The following FOXP1 variants were observed in gnomAD, a reference collection of about 807,000 sequenced individuals.
FOXP1 encodes forkhead box protein P1.
FOXP1 carries 15 observed loss-of-function variants against 98.2 expected under a neutral mutation model. The observed-to-expected ratio is 0.15, with a 90% CI of 0.10 to 0.24. FOXP1 has a LOEUF of 0.24. Among genes scored for constraint, FOXP1 ranks in the 10% least tolerant of loss-of-function variants. The pLI is 1.00. For missense variants in FOXP1, 633 were observed against 848.5 expected (o/e 0.75, Z 3.15); for synonymous variants, 371 against 314.5 (o/e 1.18, Z -1.90).
Position 71,193,483 on chromosome 3 carries a change from T to C in FOXP1, c.180+4719A>G, listed in dbSNP as rs113123245. On this transcript the variant is annotated intron_variant, in intron 6 of 20. Transcript: ENST00000649528. ...TTTTTTTTTTAGACATATTCTCACTTTGTCGCCCAGGCTGGAGTGCAGTGG... is the reference window on the plus strand; with the variant it reads ...TTTTTTTTTTAGACATATTCTCACTCTGTCGCCCAGGCTGGAGTGCAGTGG... Among the ~76,000 whole-genome samples the C allele has an allele frequency of 7.4e-5, 5 of 67,394 alleles. 1 individual carries two copies. Among genetic ancestry groups the C allele is most frequent in the Admixed American group, 4.6e-4 (3 of 6,566 alleles). The allele number at this position is 67,394 out of a possible 152,430, so 44.2% of individuals were successfully genotyped here. A position where few individuals can be genotyped will look rare whatever the true frequency, so the allele number is the denominator to read the frequency against.
intron 5 of FOXP1, among the ~76,000 whole-genome samples, chr3:71,267,124 AGTGTGT>A (rs1553808466): frequency 1.3e-4 from 19 of 148,410 alleles, no homozygotes; most frequent in East Asian, 9.9e-4. Flanking sequence ...TATGGGAGAG[AGTGTGT>A]GTGTGTGTGT....
intron 3 of FOXP1, among the ~76,000 whole-genome samples, chr3:71,423,763 C>T (rs780690106): frequency 6.6e-6 from 1 of 152,194 alleles, no homozygotes; most frequent in Non-Finnish European, 1.5e-5. Context: ...GCAACCCTGG[C>T]AGGGAAGTGC....
At chr3:71,164,490 C>A (rs776332078) in intron 6 of FOXP1, among the ~76,000 whole-genome samples, 31 of 152,188 alleles carry the variant, frequency 2.0e-4, no homozygotes, top group Admixed American at 3.3e-4. Flanking sequence ...TGAGGCACAG[C>A]GCCCGGTCCC....
At chr3:71,137,862 A>C (rs1575967714) in intron 6 of FOXP1, among the ~76,000 whole-genome samples, 1 of 151,914 alleles carries the variant, frequency 6.6e-6, no homozygotes, top group Non-Finnish European at 1.5e-5. Flanking sequence ...TTTCTATACA[A>C]GTTGTGCCTT....
chr3:71,475,572 G>C (rs1198680198), intron 3 of FOXP1, among the ~76,000 whole-genome samples: 1 of 152,194 alleles, frequency 6.6e-6, no homozygotes, highest in African/African-American at 2.4e-5. Context: ...GCCAGGCGCA[G>C]TGACTCACGC....
At chr3:71,532,142 C>T (rs1341655983) in intron 2 of FOXP1, among the ~76,000 whole-genome samples, 2 of 152,150 alleles carry the variant, frequency 1.3e-5, no homozygotes, top group East Asian at 3.9e-4. Context: ...CTGTGTTGCC[C>T]AGACTGGTGT....
At chr3:71,235,081 A>G (rs2066660756) in intron 5 of FOXP1, among the ~76,000 whole-genome samples, 1 of 151,970 alleles carries the variant, frequency 6.6e-6, no homozygotes, top group Admixed American at 6.6e-5. Context: ...TGTGACAGCT[A>G]TAATTTCCAT....
intron 3 of FOXP1, among the ~76,000 whole-genome samples, chr3:71,489,717 C>T (rs1307706723): frequency 1.3e-5 from 2 of 152,232 alleles, no homozygotes; most frequent in Non-Finnish European, 2.9e-5. Context: ...ATACGAAGTG[C>T]TCAGCCCTTC....
At chr3:71,037,269 T>C (rs751286572) in intron 11 of FOXP1, among the ~76,000 whole-genome samples, 3 of 152,188 alleles carry the variant, frequency 2.0e-5, no homozygotes, top group Admixed American at 6.5e-5. Context: ...ATTTAGGCAA[T>C]TACTTAAGTA....
intron 3 of FOXP1, among the ~76,000 whole-genome samples, chr3:71,474,135 G>A (rs1031409052): frequency 1.3e-5 from 2 of 151,972 alleles, no homozygotes; most frequent in African/African-American, 2.4e-5. Context: ...AGACTAGAAG[G>A]AAATACACTT....
At chr3:71,309,728 TC>T (rs1331732234) in intron 4 of FOXP1, among the ~76,000 whole-genome samples, 1 of 152,200 alleles carries the variant, frequency 6.6e-6, no homozygotes. Context: ...TTTTGAATTT[TC>T]CCCACTTCAA....
chr3:71,555,804 A>G (rs1057024982), intron 2 of FOXP1, among the ~76,000 whole-genome samples: 5 of 152,228 alleles, frequency 3.3e-5, no homozygotes, highest in Admixed American at 2.6e-4. Context: ...GTATTATTTA[A>G]TAATTCTAGA....
At chr3:71,361,015 G>C (rs1307511934) in intron 3 of FOXP1, among the ~76,000 whole-genome samples, 1 of 152,212 alleles carries the variant, frequency 6.6e-6, no homozygotes, top group African/African-American at 2.4e-5. Context: ...CTGGTGTCTA[G>C]TGTGCATAAA....
intron 5 of FOXP1, among the ~76,000 whole-genome samples, chr3:71,256,440 G>A (rs2068629034): frequency 6.6e-6 from 1 of 152,128 alleles, no homozygotes; most frequent in South Asian, 2.1e-4. Context: ...CTGGAGTGCA[G>A]TGGTGCCATC....
intron 5 of FOXP1, among the ~76,000 whole-genome samples, chr3:71,273,039 G>T (rs751811038): frequency 6.6e-6 from 1 of 152,112 alleles, no homozygotes; most frequent in South Asian, 2.1e-4. Context: ...CCTCACACTC[G>T]TGTGTGCGCA....
At chr3:71,475,455 A>G (rs929302967) in intron 3 of FOXP1, among the ~76,000 whole-genome samples, 1 of 152,190 alleles carries the variant, frequency 6.6e-6, no homozygotes, top group Non-Finnish European at 1.5e-5. Flanking sequence ...AAGGGTCTGG[A>G]GGCACAAATC....
chr3:71,473,863 T>C (rs1210063197), intron 3 of FOXP1, among the ~76,000 whole-genome samples: 1 of 152,096 alleles, frequency 6.6e-6, no homozygotes, highest in East Asian at 1.9e-4. Context: ...ACATCTCTAA[T>C]AGTGATGACG....
intron 7 of FOXP1, among the ~76,000 whole-genome samples, chr3:71,108,455 G>A (rs1348667135): frequency 6.6e-6 from 1 of 152,308 alleles, no homozygotes; most frequent in African/African-American, 2.4e-5. Context: ...ATCTTCAGAA[G>A]TATATAAATA....
chr3:71,434,851 C>T (rs2085086325), intron 3 of FOXP1, among the ~76,000 whole-genome samples: 1 of 152,066 alleles, frequency 6.6e-6, no homozygotes, highest in African/African-American at 2.4e-5. Flanking sequence ...TGCCTGCACA[C>T]ACACAAATAG....
Sources: gnomAD v4.1 joint callset for allele counts (sites outside exome capture counted in the v4.1 genomes callset) on GRCh38, gnomAD v4.1.1 for gene constraint, MANE v1.5 for transcripts, NCBI Gene and HGNC (gene_info 2026-07-23, HGNC 2026-07-21) for gene names.